RCC1: variants seen among roughly 807,000 people sequenced by gnomAD.
RCC1 encodes the protein regulator of chromosome condensation.
A neutral mutation model predicts 44.4 loss-of-function variants in RCC1; 11 were observed. The ratio of observed to expected loss-of-function variants is 0.25; its 90% CI spans 0.16 to 0.41. The LOEUF (loss-of-function observed/expected upper bound fraction) is 0.41, where lower values mean the gene tolerates loss of function less well. Ranked by LOEUF, RCC1 falls within the 10% of genes least tolerant of loss-of-function variation. The pLI is 1.00. For synonymous variants in RCC1, 213 were observed against 216.5 expected, an observed-to-expected ratio of 0.98 and a Z score of 0.14; for missense variants, 386 against 547.1, an observed-to-expected ratio of 0.71 and a Z score of 2.94.
chr1:28,517,607 C>T (rs1468251124), intron 4 of RCC1, among the ~76,000 whole-genome samples: 1 of 152,108 alleles, frequency 6.6e-6, no homozygotes, highest in Non-Finnish European at 1.5e-5. Context: ...CTGATCATGC[C>T]ATTCCCGTGC....
chr1:28,506,200 A>G (rs892717216), intron 1 of RCC1, 116 bp downstream of exon 1: 3 of 420,058 alleles, frequency 7.1e-6, no homozygotes, highest in East Asian at 7.3e-5. Flanking sequence ...TTATTTATTT[A>G]CTTTTTTTTT....
chr1:28,513,732 G>A (rs868478914), intron 3 of RCC1, among the ~76,000 whole-genome samples: 2 of 152,044 alleles, frequency 1.3e-5, no homozygotes, highest in Non-Finnish European at 2.9e-5. Context: ...CCACAGGCAT[G>A]TGCCACTATG....
intron 7 of RCC1, 95 bp downstream of exon 7, chr1:28,532,445 T>TA: frequency 7.4e-7 from 1 of 1,359,158 alleles, no homozygotes; most frequent in Non-Finnish European, 1.0e-6. Flanking sequence ...CCATGGTACT[T>TA]ACTGGTGGGG....
At chr1:28,523,027 C>CTTTTTTT (rs775851239) in intron 4 of RCC1, among the ~76,000 whole-genome samples, 3 of 91,040 alleles carry the variant, frequency 3.3e-5, no homozygotes, top group African/African-American at 4.4e-5. Context: ...GAAGAAATTT[C>CTTTTTTT]TTTTTTTTTT....
At chr1:28,507,992 T>C in intron 1 of RCC1, 136 bp from the exon 2 acceptor site, 1 of 295,104 alleles carries the variant, frequency 3.4e-6, no homozygotes, top group Non-Finnish European at 6.8e-6. Context: ...GGAGAATCGC[T>C]GGAGCCCAGG....
At chr1:28,507,371 G>A (rs778961787) in intron 1 of RCC1, 1 of 519,122 alleles carries the variant, frequency 1.9e-6, no homozygotes, top group Admixed American at 1.9e-5. Flanking sequence ...ATTGTCCAAC[G>A]TGGATACACC....
chr1:28,524,911 C>T (rs113678491), intron 4 of RCC1, among the ~76,000 whole-genome samples: 120 of 152,204 alleles, frequency 7.9e-4, no homozygotes, highest in African/African-American at 2.8e-3. Flanking sequence ...CACCTCCTCA[C>T]CCAAAGCCAA....
rs1664550998 is a variant in RCC1, at chr1:28,536,257, C to T, written c.818-5C>T. ...CACCCCTGATGGCTCCGGCCTTTCC[C>T]CCAGGAACTCCGGGCACAGAATCTT... On this transcript the variant is annotated splice_region_variant and splice_polypyrimidine_tract_variant and intron_variant, in intron 10 of 12. Coordinates refer to ENST00000683442, the MANE Select transcript of RCC1 (RefSeq NM_001381865.2). This position sits in a 1 kb window ranked among gnomAD's most constrained non-coding sequence, Gnocchi z 4.9. 6.2e-7 allele frequency: 1 copy of T among 1,613,604 alleles called. No homozygotes were observed. The highest frequency in any genetic ancestry group is 1.3e-5 in the African/African-American group (1 of 74,932).
rs2124673717 is a variant in RCC1 at position 28,537,916 on chromosome 1, T to C, written c.1175T>C (p.Met392Thr). Reference protein sequence around the residue: ...DEDAWSPVEMMGKQLENRVVL... With the variant: ...DEDAWSPVEMTGKQLENRVVL... ...GACGCCTGGAGCCCTGTGGAGATGA[T>C]GGGCAAACAGCTGGAGAACCGTGTG... Residue 392 changes from methionine to threonine, a missense_variant, in exon 13 of 13, where the codon ATG becomes ACG. Coordinates refer to ENST00000683442, the MANE Select transcript of RCC1 (RefSeq NM_001381865.2). The C allele has an allele frequency of 6.2e-7, 1 of 1,613,810 alleles. No homozygotes were observed. The highest frequency in any genetic ancestry group is 8.5e-7 in the Non-Finnish European group (1 of 1,179,916).
In RCC1 at chr1:28,537,828, G is replaced by T. The variant is rs1412419132; in HGVS notation, c.1091-4G>T. The T allele has an allele frequency of 1.9e-6, 3 of 1,610,380 alleles. No individual in the cohort carries two copies. Among genetic ancestry groups the T allele is most frequent in the African/African-American group, 1.3e-5 (1 of 74,854 alleles). On this transcript the variant is annotated splice_region_variant and splice_polypyrimidine_tract_variant and intron_variant, in intron 12 of 12. Coordinates refer to ENST00000683442, the MANE Select transcript of RCC1 (RefSeq NM_001381865.2). ...ACAGCTGTACCCATTTCTCTCTCTT[G>T]CAGGTCGTGTTTTCGCCTGGGGCAT... is the stretch of plus-strand genomic sequence containing the variant.
Position 28,520,989 on chromosome 1 carries a change from G to A in RCC1, c.-10+4122G>A, listed in dbSNP as rs557212744. On this transcript the variant is annotated intron_variant, in intron 4 of 12. Coordinates refer to ENST00000683442, the MANE Select transcript of RCC1 (RefSeq NM_001381865.2). ...CAGCACTAGGGAGGCTGAGGCGGGA[G>A]AATCGCTTGAACCTGGGAGGCGGAG... Among the ~76,000 whole-genome samples the A allele has an allele frequency of 1.7e-3, 259 of 152,222 alleles. 5 individuals are homozygous for A. The highest frequency in any genetic ancestry group is 3.4e-3 in the Middle Eastern group (1 of 294).
At chr1:28,531,329 C>T (rs902100308) in intron 5 of RCC1, among the ~76,000 whole-genome samples, 4 of 140,118 alleles carry the variant, frequency 2.9e-5, no homozygotes, top group East Asian at 4.1e-4. Context: ...GGCAGTGGCA[C>T]GATCTTGGCT....
At chr1:28,533,835 C>CTTTTTT (rs1664349766) in intron 7 of RCC1, among the ~76,000 whole-genome samples, 1 of 34,908 alleles carries the variant, frequency 2.9e-5, no homozygotes, top group African/African-American at 8.1e-5. Flanking sequence ...TTTTTCTTTT[C>CTTTTTT]TTTTCTTTTC....
Position 28,530,440 on chromosome 1 carries a change from G to C in RCC1, c.73+501G>C. 3.1e-6 allele frequency: 4 copies of C among 1,300,810 alleles called. No individual in the cohort carries two copies. In the African/African-American group the frequency reaches 5.8e-5, roughly 19 times the overall value. The allele number at this position is 1,300,810 out of a possible 1,614,324, so 80.6% of individuals were successfully genotyped here. On this transcript the variant is annotated intron_variant, in intron 5 of 12. Transcript: ENST00000683442. ...TTTCCTCTGTCCTGGGACCCCGGAG[G>C]GGGACAGGGAGGAGAGAAAAGCCAG...
intron 5 of RCC1, chr1:28,530,632 G>A: frequency 1.3e-6 from 2 of 1,587,240 alleles, no homozygotes; most frequent in Non-Finnish European, 1.7e-6. Context: ...CCGCGCCCGG[G>A]GCGCCCTCTG....
chr1:28,509,452 G>A (rs569887175), intron 3 of RCC1: 23 of 154,832 alleles, frequency 1.5e-4, no homozygotes, highest in African/African-American at 5.1e-4. Context: ...ATATTGGCCA[G>A]GCTGTTCTCA....
chr1:28,516,610 T>C (rs777026635), intron 3 of RCC1, 115 bp from the exon 4 acceptor site: 3 of 228,418 alleles, frequency 1.3e-5, no homozygotes, highest in Non-Finnish European at 2.7e-5. Flanking sequence ...CCAACTGCCA[T>C]GAGGTTTTTG....
chr1:28,508,350 A>G, intron 2 of RCC1, 190 bp downstream of exon 2: 1 of 355,000 alleles, frequency 2.8e-6, no homozygotes, highest in Non-Finnish European at 5.6e-6. Context: ...TAACTTCAAC[A>G]TATGCTCTGT....
chr1:28,533,018 T>C (rs962496665), intron 7 of RCC1, among the ~76,000 whole-genome samples: 14 of 152,030 alleles, frequency 9.2e-5, no homozygotes, highest in African/African-American at 3.4e-4. Flanking sequence ...TTTCCCCTGT[T>C]GGTCAGGCTG....
Sources: gnomAD v4.1 joint callset for allele counts (sites outside exome capture counted in the v4.1 genomes callset) on GRCh38, gnomAD v4.1.1 for gene constraint, Gnocchi (gnomAD v3.1) non-coding constraint, MANE v1.5 for transcripts, NCBI Gene and HGNC (gene_info 2026-07-23, HGNC 2026-07-21) for gene names.